FER1L6: variants seen among roughly 807,000 people sequenced by gnomAD.
The protein encoded by FER1L6 is fer-1-like protein 6.
Under a neutral mutation model 219.2 loss-of-function variants are expected in FER1L6, and 177 were observed. That is an observed-to-expected ratio of 0.81 (90% CI 0.71 to 0.91). The LOEUF is 0.91. Ranked by LOEUF, FER1L6 falls within the 40% of genes least tolerant of loss-of-function variation. The probability of loss-of-function intolerance (pLI) is 0.00; values close to 1 mark genes in which losing one functional copy is unlikely to be tolerated. For missense variants in FER1L6, 2,153 were observed against 2,259.9 expected, an observed-to-expected ratio of 0.95 and a Z score of 0.96; for synonymous variants, 768 against 824.3, an observed-to-expected ratio of 0.93 and a Z score of 1.17.
intron 1 of FER1L6, among the ~76,000 whole-genome samples, chr8:123,866,513 G>T (rs1816840515): frequency 1.3e-5 from 2 of 152,070 alleles, no homozygotes; most frequent in Admixed American, 6.5e-5. Context: ...ACCTAGAGAT[G>T]AGATTGCTGA....
chr8:123,909,982 C>G (rs941826463), intron 1 of FER1L6, among the ~76,000 whole-genome samples: 18 of 152,234 alleles, frequency 1.2e-4, no homozygotes, highest in African/African-American at 4.1e-4. Flanking sequence ...CCATTTTTAG[C>G]TTGGTGTGAA....
In FER1L6 at chr8:123,956,006, G is replaced by C. The variant is rs1393476497; in HGVS notation, c.8G>C (p.Gly3Ala). Residue 3 changes from glycine to alanine, a missense_variant, in exon 2 of 41, where the codon GGG becomes GCG. Coordinates refer to ENST00000522917, the MANE Select transcript of FER1L6 (RefSeq NM_001039112.2). The stretch of plus-strand genomic sequence containing the variant: ...CTTCTTTTCAGAAAGGGGATGTTTG[G>C]GCTGAAGGTGAAGAAGAAGAGAAAT... MF[G>A]LKVKKKRNKA... The C allele has an allele frequency of 6.2e-7, 1 of 1,611,378 alleles. No homozygotes were observed. Among genetic ancestry groups the C allele is most frequent in the African/African-American group, 1.3e-5 (1 of 74,950 alleles).
chr8:124,097,844 T>A lies in FER1L6; in HGVS notation c.4844T>A (p.Ile1615Asn), dbSNP rs1822373809. The A allele has an allele frequency of 1.2e-6, 2 of 1,605,658 alleles. No individual in the cohort carries two copies. Among genetic ancestry groups the A allele is most frequent in the Non-Finnish European group, 1.7e-6 (2 of 1,172,278 alleles). The change falls in exon 37 of 41, where the codon ATC (isoleucine) becomes AAC (asparagine). Residue 1615 changes from isoleucine to asparagine, a missense_variant. Coordinates refer to ENST00000522917, the MANE Select transcript of FER1L6 (RefSeq NM_001039112.2). ...GATGTCATTTTAGAGGATGAGAATA[T>A]CTTCACAGGCCAAAAATCAAGTGAT... The part of the protein sequence containing the change: ...TEDVILEDEN[I>N]FTGQKSSDIY...
Position 124,017,640 on chromosome 8 carries a change from T to C in FER1L6, c.1935T>C (p.Ser645=). 6.2e-7 allele frequency: 1 copy of C among 1,613,004 alleles called. No homozygotes were observed. The highest frequency in any genetic ancestry group is 1.3e-5 in the African/African-American group (1 of 75,008). The change falls in exon 16 of 41, where the codon TCT becomes TCC. Residue 645 remains serine (S), a synonymous_variant. Transcript: ENST00000522917. ...DFISRSSAFI[S]EAEKKPKMLN... is the part of the protein sequence containing the mutation. ...TCTTTTCTTATAGTGCCTTTATCTC[T>C]GAAGCAGAAAAAAAGCCCAAGATGT... is the stretch of plus-strand genomic sequence containing the variant.
intron 38 of FER1L6, among the ~76,000 whole-genome samples, chr8:124,102,228 T>C (rs1281975963): frequency 6.6e-6 from 1 of 152,180 alleles, no homozygotes; most frequent in Non-Finnish European, 1.5e-5. Context: ...AGAATGCCTT[T>C]GGTGGAGAGG....
chr8:123,999,010 G>T (rs1470556240), intron 12 of FER1L6, among the ~76,000 whole-genome samples: 2 of 152,178 alleles, frequency 1.3e-5, no homozygotes, highest in East Asian at 1.9e-4. Context: ...GAGAGTGAAG[G>T]CCTGAAATCA....
intron 1 of FER1L6, among the ~76,000 whole-genome samples, chr8:123,866,659 A>G (rs1050734537): frequency 6.6e-6 from 1 of 152,162 alleles, no homozygotes; most frequent in Admixed American, 6.6e-5. Flanking sequence ...ACTGGTCATC[A>G]TTAGGCTCGA....
chr8:123,983,294 A>G (rs1290573496), intron 11 of FER1L6, among the ~76,000 whole-genome samples: 2 of 151,222 alleles, frequency 1.3e-5, no homozygotes, highest in Non-Finnish European at 2.9e-5. Flanking sequence ...TTGTCAACTC[A>G]CCCCCATTAC....
intron 1 of FER1L6, among the ~76,000 whole-genome samples, chr8:123,877,283 C>T (rs931680806): frequency 7.9e-5 from 12 of 152,218 alleles, no homozygotes; most frequent in African/African-American, 2.7e-4. Flanking sequence ...TTGTTCACCA[C>T]CACAGTTTTA....
At chr8:123,864,949 A>C (rs1425044348) in intron 1 of FER1L6, among the ~76,000 whole-genome samples, 2 of 150,940 alleles carry the variant, frequency 1.3e-5, no homozygotes, top group Non-Finnish European at 2.9e-5. Flanking sequence ...GCTCAGAGTA[A>C]TTTGATCGTC....
At chr8:124,071,374 TG>T in intron 30 of FER1L6, 131 bp from the exon 31 acceptor site, 1 of 1,158,642 alleles carries the variant, frequency 8.6e-7, no homozygotes, top group Non-Finnish European at 1.2e-6. Flanking sequence ...GACACCCAAC[TG>T]GCAAGTTTAG....
intron 21 of FER1L6, among the ~76,000 whole-genome samples, chr8:124,048,199 C>T (rs141803924): frequency 6.6e-6 from 1 of 152,350 alleles, no homozygotes; most frequent in African/African-American, 2.4e-5. Flanking sequence ...GCTGGGGTTG[C>T]ACATATTGCT....
At chr8:123,862,859 T>C (rs138372338) in intron 1 of FER1L6, among the ~76,000 whole-genome samples, 38,916 of 139,562 alleles carry the variant, frequency 0.28, 6,551 homozygotes, top group Middle Eastern at 0.38. Context: ...GTCTATTTGA[T>C]TCTTCTCTCT....
intron 32 of FER1L6, among the ~76,000 whole-genome samples, chr8:124,081,715 G>A (rs1435233760): frequency 6.6e-6 from 1 of 151,090 alleles, no homozygotes; most frequent in African/African-American, 2.4e-5. Context: ...TTTCATCCTT[G>A]ATAAGGTTTT....
chr8:124,098,447 C>T (rs1304724763), intron 37 of FER1L6, among the ~76,000 whole-genome samples: 1 of 152,180 alleles, frequency 6.6e-6, no homozygotes, highest in Non-Finnish European at 1.5e-5. Context: ...CCTCTCTCAG[C>T]CTTATGCTAA....
At chr8:124,088,702 C>CTT (rs113731479) in intron 33 of FER1L6, among the ~76,000 whole-genome samples, 1 of 151,968 alleles carries the variant, frequency 6.6e-6, no homozygotes, top group Admixed American at 6.5e-5. Flanking sequence ...CCCAAGGGCT[C>CTT]TTTAGTCAGT....
intron 28 of FER1L6, among the ~76,000 whole-genome samples, chr8:124,068,281 G>C (rs887854717): frequency 2.6e-5 from 4 of 152,134 alleles, no homozygotes; most frequent in African/African-American, 4.8e-5. Flanking sequence ...AGCCAATGTT[G>C]TTTCATTTGA....
At chr8:124,061,285 G>A (rs536630567) in intron 24 of FER1L6, among the ~76,000 whole-genome samples, 1 of 152,132 alleles carries the variant, frequency 6.6e-6, no homozygotes, top group East Asian at 1.9e-4. Context: ...TTTGTGCTTC[G>A]ATTTGAAACT....
At chr8:123,895,803 T>C (rs1812732511) in intron 1 of FER1L6, among the ~76,000 whole-genome samples, 1 of 152,200 alleles carries the variant, frequency 6.6e-6, no homozygotes, top group Non-Finnish European at 1.5e-5. Flanking sequence ...CAGCATTAAC[T>C]ATTGTCTCGC....
Sources: allele counts gnomAD v4.1 joint callset (sites outside exome capture counted in the v4.1 genomes callset), GRCh38; gene constraint gnomAD v4.1.1; transcripts MANE v1.5; gene names NCBI Gene and HGNC (gene_info 2026-07-23, HGNC 2026-07-21).